The following LRRC4C variants were observed in gnomAD, a reference collection of about 807,000 sequenced individuals.
LRRC4C encodes the protein leucine-rich repeat-containing protein 4C.
LRRC4C carries 5 observed loss-of-function variants against 33.6 expected under a neutral mutation model. The observed-to-expected ratio is 0.15, with a 90% confidence interval of 0.08 to 0.31. The LOEUF is 0.31. Among genes scored for constraint, LRRC4C ranks in the 10% least tolerant of loss-of-function variants. LRRC4C has a pLI of 1.00. For missense variants in LRRC4C, 560 were observed against 796.7 expected, an observed-to-expected ratio of 0.70 and a Z score of 3.58; for synonymous variants, 329 against 302.0, an observed-to-expected ratio of 1.09 and a Z score of -0.93.
At chr11:41,239,668 CTTTT>C (rs1948172092) in intron 1 of LRRC4C, among the ~76,000 whole-genome samples, 1 of 152,042 alleles carries the variant, frequency 6.6e-6, no homozygotes, top group African/African-American at 2.4e-5. Context: ...TATTTTTTCT[CTTTT>C]CATTTTTAAT....
chr11:40,522,353 T>C (rs1238333470), intron 3 of LRRC4C, among the ~76,000 whole-genome samples: 4 of 152,182 alleles, frequency 2.6e-5, no homozygotes, highest in Admixed American at 2.6e-4. Flanking sequence ...GTTCTGCAGA[T>C]GGATGGTGGT....
At chr11:40,397,645 G>T (rs1198287458) in intron 3 of LRRC4C, among the ~76,000 whole-genome samples, 2 of 152,170 alleles carry the variant, frequency 1.3e-5, no homozygotes, top group East Asian at 3.9e-4. Flanking sequence ...AGAGAGTTGG[G>T]AGAAACTGCT....
intron 1 of LRRC4C, among the ~76,000 whole-genome samples, chr11:41,269,008 C>A (rs184659561): frequency 6.6e-6 from 1 of 152,226 alleles, no homozygotes; most frequent in East Asian, 1.9e-4. Flanking sequence ...TAAATGTGTT[C>A]TCTTTTAATC....
intron 3 of LRRC4C, among the ~76,000 whole-genome samples, chr11:40,565,394 G>A (rs1361837240): frequency 1.3e-5 from 2 of 152,178 alleles, no homozygotes; most frequent in Non-Finnish European, 2.9e-5. Context: ...GTACTGTAGA[G>A]TTCATGCTAA....
chr11:41,352,252 G>A (rs749812213), intron 1 of LRRC4C, among the ~76,000 whole-genome samples: 1 of 152,048 alleles, frequency 6.6e-6, no homozygotes, highest in Non-Finnish European at 1.5e-5. Context: ...TAAACCAACA[G>A]TTATCAAAAA....
chr11:40,367,514 T>A (rs181904481), intron 3 of LRRC4C, among the ~76,000 whole-genome samples: 1 of 152,060 alleles, frequency 6.6e-6, no homozygotes, highest in Non-Finnish European at 1.5e-5. Flanking sequence ...ATGCAATGCA[T>A]GGAGGCCACA....
intron 2 of LRRC4C, among the ~76,000 whole-genome samples, chr11:40,904,652 A>T (rs1379527375): frequency 1.3e-5 from 2 of 152,016 alleles, no homozygotes; most frequent in Non-Finnish European, 2.9e-5. Context: ...AGCCACCACC[A>T]CCCATTCCCC....
chr11:41,128,452 G>T (rs2135817790), intron 1 of LRRC4C, among the ~76,000 whole-genome samples: 1 of 152,176 alleles, frequency 6.6e-6, no homozygotes, highest in Admixed American at 6.6e-5. Context: ...ATATGACAGT[G>T]CTTGCTACAT....
chr11:40,206,807 A>T (rs1863191306), intron 5 of LRRC4C, among the ~76,000 whole-genome samples: 1 of 78,710 alleles, frequency 1.3e-5, no homozygotes, highest in East Asian at 4.2e-4. Flanking sequence ...GGAAGGACCA[A>T]ATTTGCATTT....
intron 1 of LRRC4C, among the ~76,000 whole-genome samples, chr11:41,229,508 A>T (rs1427898346): frequency 1.3e-5 from 2 of 152,122 alleles, no homozygotes; most frequent in African/African-American, 4.8e-5. Context: ...CACTGTTGTC[A>T]TCAGTTTCAC....
At chr11:40,500,427 T>G (rs1954704060) in intron 3 of LRRC4C, among the ~76,000 whole-genome samples, 1 of 151,712 alleles carries the variant, frequency 6.6e-6, no homozygotes, top group Non-Finnish European at 1.5e-5. Context: ...TTAGTCCATT[T>G]TCATGCTGTC....
chr11:41,117,343 A>G (rs779065875), intron 1 of LRRC4C, among the ~76,000 whole-genome samples: 4 of 152,190 alleles, frequency 2.6e-5, no homozygotes, highest in African/African-American at 2.4e-5. Context: ...TTTAAAAAAC[A>G]TAACAAAATA....
In LRRC4C at chr11:40,966,909, T is replaced by C. The variant is rs1273823133; in HGVS notation, c.-495-33186A>G. ...ATACCTTGTCATGCTTTTCAAAATG[T>C]TCACAATTTAGTTCTAGTAAAAGAA... On this transcript the variant is annotated intron_variant, in intron 1 of 6. Transcript: ENST00000528697. 3.3e-5 allele frequency among the ~76,000 whole-genome samples: 5 copies of C among 152,148 alleles called. No individual in the cohort carries two copies. In the South Asian group the frequency reaches 8.3e-4, roughly 25 times the overall value.
intron 3 of LRRC4C, among the ~76,000 whole-genome samples, chr11:40,538,495 G>A (rs1956569991): frequency 6.6e-6 from 1 of 152,102 alleles, no homozygotes; most frequent in Non-Finnish European, 1.5e-5. Flanking sequence ...GTATTCCATG[G>A]TGTATATGTG....
intron 1 of LRRC4C, among the ~76,000 whole-genome samples, chr11:41,057,157 A>C (rs990779283): frequency 1.3e-5 from 2 of 152,148 alleles, no homozygotes; most frequent in South Asian, 2.1e-4. Flanking sequence ...GCAGGCTTGG[A>C]AATGCCTGCT....
At chr11:41,084,974 A>C (rs1374168142) in intron 1 of LRRC4C, among the ~76,000 whole-genome samples, 1 of 152,222 alleles carries the variant, frequency 6.6e-6, no homozygotes, top group African/African-American at 2.4e-5. Flanking sequence ...TGCTTAAGTA[A>C]GCATGCTTAG....
At chr11:40,848,613 A>C (rs1210232122) in intron 2 of LRRC4C, among the ~76,000 whole-genome samples, 1 of 152,150 alleles carries the variant, frequency 6.6e-6, no homozygotes, top group Non-Finnish European at 1.5e-5. Flanking sequence ...AGAAGAATGT[A>C]TATTCTGCTG....
intron 1 of LRRC4C, among the ~76,000 whole-genome samples, chr11:41,403,731 C>A (rs528335707): frequency 2.6e-5 from 4 of 152,046 alleles, no homozygotes; most frequent in Non-Finnish European, 5.9e-5. Context: ...AACACGAGGG[C>A]TGATTTTTGT....
chr11:40,477,967 TGA>T (rs1262040483), intron 3 of LRRC4C, among the ~76,000 whole-genome samples: 2 of 152,200 alleles, frequency 1.3e-5, no homozygotes, highest in Non-Finnish European at 2.9e-5. Context: ...CCATGAGGAC[TGA>T]GAGTTTTACA....
Sources: gnomAD v4.1 joint callset for allele counts (sites outside exome capture counted in the v4.1 genomes callset) on GRCh38, gnomAD v4.1.1 for gene constraint, MANE v1.5 for transcripts, NCBI Gene and HGNC (gene_info 2026-07-23, HGNC 2026-07-21) for gene names.